The following EYA2 variants were observed in gnomAD, a reference collection of about 807,000 sequenced individuals.
EYA2 encodes the protein protein phosphatase EYA2.
EYA2 carries 31 observed loss-of-function variants against 69.2 expected under a neutral mutation model. The observed-to-expected ratio is 0.45, with a 90% CI of 0.34 to 0.60. The LOEUF (loss-of-function observed/expected upper bound fraction) is 0.60, where lower values mean the gene tolerates loss of function less well. EYA2 is among the 20% of genes least tolerant of loss of function. The pLI, the probability that EYA2 is intolerant of heterozygous loss-of-function variation, is 0.02. For synonymous variants in EYA2, 257 were observed against 279.4 expected (o/e 0.92, Z 0.80); for missense variants, 622 against 701.2 (o/e 0.89, Z 1.28).
chr20:46,931,206 G>A (rs937023424), intron 1 of EYA2, among the ~76,000 whole-genome samples: 4 of 152,194 alleles, frequency 2.6e-5, no homozygotes, highest in African/African-American at 9.7e-5. Flanking sequence ...CAGTAGCAGG[G>A]CTAAGAACTG....
In EYA2 at chr20:47,123,981, C is replaced by CAA. The variant is rs369234559; in HGVS notation, c.889-19066_889-19065dup. 2.2e-3 allele frequency among the ~76,000 whole-genome samples: 274 copies of CAA among 127,022 alleles called. 3 individuals carry two copies. In the East Asian group the frequency reaches 0.036, roughly 17 times the overall value. The allele number at this position is 127,022 out of a possible 152,430, so 83.3% of individuals were successfully genotyped here. On this transcript the variant is annotated intron_variant, in intron 9 of 15. Coordinates refer to ENST00000327619, the MANE Select transcript of EYA2 (RefSeq NM_005244.5). Reference sequence around the variant, plus strand: ...TGGGTGACAGAGTGAGATTCCATCTCAAAAAAAAAAAAAGGTGGGGGAGTG... The same window carrying CAA: ...TGGGTGACAGAGTGAGATTCCATCTCAAAAAAAAAAAAAAAGGTGGGGGAGTG...
At chr20:47,053,328 A>C (rs554090020) in intron 5 of EYA2, among the ~76,000 whole-genome samples, 1 of 152,328 alleles carries the variant, frequency 6.6e-6, no homozygotes, top group Admixed American at 6.5e-5. Flanking sequence ...CATGCTGTAC[A>C]TCTGTTTATG....
intron 9 of EYA2, among the ~76,000 whole-genome samples, chr20:47,129,398 A>G (rs1317343556): frequency 1.3e-5 from 2 of 152,170 alleles, no homozygotes; most frequent in African/African-American, 2.4e-5. Context: ...TGGGAATGGA[A>G]TGTTACAAAG....
rs138303173 is a variant in EYA2, at chr20:47,146,618, T to C, written c.978+3470T>C. Among the ~76,000 whole-genome samples the C allele has an allele frequency of 7.7e-4, 117 of 152,306 alleles. No individual in the cohort carries two copies. The East Asian group carries it at 0.02, about 26-fold the overall frequency. On this transcript the variant is annotated intron_variant, in intron 10 of 15. Transcript: ENST00000327619. ...GTTAAAATCCACACAAGTGAAAACA[T>C]ATTGTTTGTTGGTGCAAGGCAGTCC... is the stretch of plus-strand genomic sequence containing the variant.
chr20:47,171,163 G>A (rs78814198), intron 11 of EYA2, among the ~76,000 whole-genome samples: 1,769 of 151,914 alleles, frequency 0.012, 42 homozygotes, highest in African/African-American at 0.039. Context: ...GAGCAGCACC[G>A]TTCTGTTTCT....
At chr20:47,078,312 T>C (rs1206820) in intron 7 of EYA2, among the ~76,000 whole-genome samples, 58,860 of 141,572 alleles carry the variant, frequency 0.42, 11,630 homozygotes, top group East Asian at 0.44. Context: ...TGTGCACATG[T>C]GCACGTGCGC....
chr20:46,955,041 T>C (rs1979035633), intron 1 of EYA2, among the ~76,000 whole-genome samples: 1 of 152,166 alleles, frequency 6.6e-6, no homozygotes. Context: ...TGGTGCTTGA[T>C]GGGTGAGCAG....
At chr20:47,091,724 G>A (rs774487400) in intron 8 of EYA2, among the ~76,000 whole-genome samples, 8 of 152,072 alleles carry the variant, frequency 5.3e-5, no homozygotes, top group East Asian at 1.9e-4. Flanking sequence ...CAGCCTGGGC[G>A]ACAAATTGAG....
chr20:47,126,334 G>A (rs546784785), intron 9 of EYA2, among the ~76,000 whole-genome samples: 2 of 152,282 alleles, frequency 1.3e-5, no homozygotes, highest in East Asian at 1.9e-4. Flanking sequence ...GCCGCAAGCC[G>A]CCCATGCATC....
chr20:47,013,218 CAGAG>C (rs1318371119), intron 4 of EYA2, among the ~76,000 whole-genome samples: 1 of 152,194 alleles, frequency 6.6e-6, no homozygotes, highest in Admixed American at 6.5e-5. Context: ...CCAGCCTAAA[CAGAG>C]AGCAGAGGTT....
chr20:46,991,295 A>T (rs1331434461), intron 2 of EYA2, among the ~76,000 whole-genome samples: 2 of 152,242 alleles, frequency 1.3e-5, no homozygotes, highest in Non-Finnish European at 2.9e-5. Flanking sequence ...GGGGAATCCC[A>T]GCCCACTGCT....
chr20:47,063,738 G>C (rs6066186), intron 5 of EYA2, among the ~76,000 whole-genome samples: 3 of 152,254 alleles, frequency 2.0e-5, no homozygotes, highest in African/African-American at 7.2e-5. Context: ...ATTTACTTAA[G>C]GTGTAACCAG....
rs541086945 is a variant in EYA2, at chr20:47,179,530, GTAGA to G, written c.1199-262_1199-259del. 6.7e-3 allele frequency among the ~76,000 whole-genome samples: 783 copies of G among 117,372 alleles called. 2 individuals carry two copies. The highest frequency in any genetic ancestry group is 8.3e-3 in the Non-Finnish European group (434 of 52,350). 77.0% of individuals were successfully genotyped at this position (117,372 alleles called of 152,430 possible). On this transcript the variant is annotated intron_variant, in intron 12 of 15. Transcript: ENST00000327619. ...GATGGATGGGTGGATAGGTGGGTAG[GTAGA>G]TAGATGGGTGGATAGGTGGGTGGAT... is the stretch of plus-strand genomic sequence containing the variant.
intron 1 of EYA2, among the ~76,000 whole-genome samples, chr20:46,971,627 A>G (rs1980151367): frequency 6.6e-6 from 1 of 152,222 alleles, no homozygotes; most frequent in Non-Finnish European, 1.5e-5. Context: ...GGATCACCTA[A>G]CAATCTCTAC....
chr20:46,920,433 G>C (rs1412289975), intron 1 of EYA2, among the ~76,000 whole-genome samples: 1 of 152,118 alleles, frequency 6.6e-6, no homozygotes, highest in African/African-American at 2.4e-5. Flanking sequence ...ATCTTTTTAT[G>C]ACTAAAATTT....
intron 1 of EYA2, among the ~76,000 whole-genome samples, chr20:46,909,159 T>G (rs1312955292): frequency 6.6e-6 from 1 of 152,058 alleles, no homozygotes; most frequent in African/African-American, 2.4e-5. Flanking sequence ...CTGGGGTTGA[T>G]TTAAGAGTGG....
At chr20:46,927,361 A>G (rs1028121312) in intron 1 of EYA2, among the ~76,000 whole-genome samples, 7 of 152,214 alleles carry the variant, frequency 4.6e-5, no homozygotes, top group Non-Finnish European at 8.8e-5. Context: ...AGTGTGGTGC[A>G]GTGGTTACGT....
chr20:47,120,845 TGTTA>T (rs1466448021), intron 9 of EYA2, among the ~76,000 whole-genome samples: 4 of 152,196 alleles, frequency 2.6e-5, no homozygotes, highest in African/African-American at 4.8e-5. Flanking sequence ...TAGGACTTTT[TGTTA>T]GTTCTTGAGT....
intron 2 of EYA2, among the ~76,000 whole-genome samples, chr20:46,997,062 G>A (rs141118053): frequency 3.3e-5 from 5 of 152,238 alleles, no homozygotes; most frequent in African/African-American, 9.6e-5. Flanking sequence ...CCCACAAAGC[G>A]GGATTTCTGT....
Sources: gnomAD v4.1 joint callset for allele counts (sites outside exome capture counted in the v4.1 genomes callset) on GRCh38, gnomAD v4.1.1 for gene constraint, MANE v1.5 for transcripts, NCBI Gene and HGNC (gene_info 2026-07-23, HGNC 2026-07-21) for gene names.